The following PAH variants were observed in gnomAD, a reference collection of about 807,000 sequenced individuals.
PAH encodes phenylalanine-4-hydroxylase.
A neutral mutation model predicts 62.0 loss-of-function variants in PAH; 64 were observed. The observed-to-expected ratio is 1.03, with a 90% CI of 0.84 to 1.27. The LOEUF (loss-of-function observed/expected upper bound fraction) is 1.27. Ranked by LOEUF, PAH falls within the 50% of genes most tolerant of loss-of-function variation. PAH has a pLI of 0.00. For missense variants in PAH, 579 were observed against 542.8 expected, an observed-to-expected ratio of 1.07 and a Z score of -0.66; for synonymous variants, 195 against 196.2, an observed-to-expected ratio of 0.99 and a Z score of 0.05.
At chr12:102,952,683 C>T (rs1398683402), upstream of PAH, among the ~76,000 whole-genome samples, 4 of 152,148 alleles carry the variant, frequency 2.6e-5, no homozygotes, top group Non-Finnish European at 5.9e-5. Flanking sequence ...TGCAAATTAC[C>T]TCCTCACCCC....
chr12:102,904,679 C>T, intron 2 of PAH: 1 of 450,186 alleles, frequency 2.2e-6, no homozygotes, highest in Non-Finnish European at 4.4e-6. Context: ...CACTTATTTC[C>T]TTTAATTTCA....
At position 102,851,764 on chromosome 12, in the gene PAH, A is replaced by G. The variant is rs2136645006; in HGVS notation, c.843-8T>C. 6.2e-7 allele frequency: 1 copy of G among 1,612,944 alleles called. No individual in the cohort carries two copies. ...AGCTCATGGCAGATGTCACTGAAAG[A>G]CAGAAAGCACAGAGAGCTCGGAGGG... On this transcript the variant is annotated splice_polypyrimidine_tract_variant and splice_region_variant and intron_variant, in intron 7 of 12. Coordinates refer to ENST00000553106, the MANE Select transcript of PAH (RefSeq NM_000277.3).
In PAH at chr12:102,855,263, A is replaced by G. The variant is rs752202371; in HGVS notation, c.579T>C (p.Thr193=). 1 of 1,614,154 alleles carries G rather than the reference A, an allele frequency of 6.2e-7. No homozygotes were observed. Among genetic ancestry groups the G allele is most frequent in the Non-Finnish European group, 8.5e-7 (1 of 1,180,006 alleles). Residue 193 remains threonine (T), a synonymous_variant, in exon 6 of 13, where the codon ACT becomes ACC. Coordinates refer to ENST00000553106, the MANE Select transcript of PAH (RefSeq NM_000277.3). Reference sequence around the variant, plus strand: ...CATGGGTTTTATACAAGGACTTCAGAGTCTTGAACACTGTGCCCCATGTTT... The same window carrying G: ...CATGGGTTTTATACAAGGACTTCAGGGTCTTGAACACTGTGCCCCATGTTT... ...EKKTWGTVFK[T]LKSLYKTHAC...
At chr12:102,865,088 G>C (rs1875899260) in intron 5 of PAH, among the ~76,000 whole-genome samples, 1 of 152,152 alleles carries the variant, frequency 6.6e-6, no homozygotes, top group South Asian at 2.1e-4. Flanking sequence ...ATGATTTTCA[G>C]TAACCAAGTT....
chr12:102,905,676 C>T (rs1023540345), intron 2 of PAH, among the ~76,000 whole-genome samples: 4 of 151,998 alleles, frequency 2.6e-5, no homozygotes, highest in African/African-American at 9.7e-5. Context: ...TCGCTGACTC[C>T]CCACAGCACT....
rs1555206704 is a variant in PAH at position 102,879,604 on chromosome 12, G to GT, written c.353-2055dup. ...GAATGGTGTTCTAAATATTTTACCT[G>GT]TGGGGGGGGGGTACTATTAATGTTC... On this transcript the variant is annotated intron_variant, in intron 3 of 12. Coordinates refer to ENST00000553106, the MANE Select transcript of PAH (RefSeq NM_000277.3). Among the ~76,000 whole-genome samples the GT allele has an allele frequency of 5.7e-3, 666 of 115,948 alleles. 6 individuals carry two copies. Among genetic ancestry groups the GT allele is most frequent in the African/African-American group, 0.018 (576 of 32,820 alleles). The allele number at this position is 115,948 out of a possible 152,430, so 76.1% of individuals were successfully genotyped here. A position where few individuals can be genotyped will look rare whatever the true frequency, so the allele number is the denominator to read the frequency against.
At chr12:102,883,525 G>A (rs746921731) in intron 3 of PAH, among the ~76,000 whole-genome samples, 6 of 152,110 alleles carry the variant, frequency 3.9e-5, no homozygotes, top group Admixed American at 6.5e-5. Flanking sequence ...AAAACAAAAC[G>A]AAAACAAAAA....
At chr12:102,847,995 A>G (rs1419907817) in intron 8 of PAH, among the ~76,000 whole-genome samples, 3 of 152,244 alleles carry the variant, frequency 2.0e-5, no homozygotes, top group Non-Finnish European at 4.4e-5. Flanking sequence ...AGGGATCCAG[A>G]GCCAGATCAT....
At position 102,871,967 on chromosome 12, in the gene PAH, TATATATATATATATA is replaced by T. The variant is rs1202249671; in HGVS notation, c.442-5319_442-5305del. Reference sequence around the variant, plus strand: ...AAAAAAAAATATATATATATATATATATATATATATATATATATTTGCAAAACCTAGGGCAAAAAA... The same window carrying T: ...AAAAAAAAATATATATATATATATATTATTTGCAAAACCTAGGGCAAAAAA... On this transcript the variant is annotated intron_variant, in intron 4 of 12. Coordinates refer to ENST00000553106, the MANE Select transcript of PAH (RefSeq NM_000277.3). Among the ~76,000 whole-genome samples, 61 of 136,758 alleles carry T rather than the reference TATATATATATATATA, an allele frequency of 4.5e-4. 1 individual carries two copies. The highest frequency in any genetic ancestry group is 1.6e-3 in the African/African-American group (57 of 35,684). The allele number at this position is 136,758 out of a possible 152,430, so 89.7% of individuals were successfully genotyped here. A position where few individuals can be genotyped will look rare whatever the true frequency, so the allele number is the denominator to read the frequency against.
intron 3 of PAH, among the ~76,000 whole-genome samples, chr12:102,880,863 T>A (rs1261747692): frequency 6.6e-6 from 1 of 152,032 alleles, no homozygotes; most frequent in East Asian, 1.9e-4. Context: ...TTTTTTAAAT[T>A]CTTTTTAAAA....
upstream of PAH, chr12:102,953,188 C>T (rs1330082707): frequency 1.3e-5 from 2 of 152,160 alleles, no homozygotes; most frequent in South Asian, 4.1e-4. Flanking sequence ...ACTCAAGTCA[C>T]CCCCAAATTG....
chr12:102,914,015 C>T, intron 1 of PAH: 1 of 570,970 alleles, frequency 1.8e-6, no homozygotes, highest in South Asian at 2.3e-5. Flanking sequence ...TACATCATCT[C>T]AATGAGAGAA....
At chr12:102,874,197 G>C (rs1356774594) in intron 4 of PAH, among the ~76,000 whole-genome samples, 4 of 152,176 alleles carry the variant, frequency 2.6e-5, no homozygotes, top group Non-Finnish European at 5.9e-5. Context: ...GGAAATAACA[G>C]GTGGGTTGGC....
chr12:102,858,706 C>T (rs986572054), intron 5 of PAH, among the ~76,000 whole-genome samples: 1 of 152,180 alleles, frequency 6.6e-6, no homozygotes, highest in African/African-American at 2.4e-5. Flanking sequence ...AACTGAAGAA[C>T]CTGCTCCTGA....
At chr12:102,872,442 G>T (rs866764511) in intron 4 of PAH, among the ~76,000 whole-genome samples, 1 of 152,236 alleles carries the variant, frequency 6.6e-6, no homozygotes, top group African/African-American at 2.4e-5. Flanking sequence ...CACAAATTAT[G>T]CTTGGATAGA....
At chr12:102,875,275 A>G (rs1466796803) in intron 4 of PAH, among the ~76,000 whole-genome samples, 1 of 152,204 alleles carries the variant, frequency 6.6e-6, no homozygotes, top group Non-Finnish European at 1.5e-5. Context: ...TTTTAAAGCC[A>G]GTGCCAGCTG....
chr12:102,930,778 C>T (rs767629197), intron 1 of PAH, among the ~76,000 whole-genome samples: 19 of 152,196 alleles, frequency 1.2e-4, no homozygotes, highest in Non-Finnish European at 1.8e-4. Flanking sequence ...AAAGCAAAAA[C>T]ACACATCCTT....
At chr12:102,847,141 C>A (rs1874888621) in intron 8 of PAH, 190 bp from the exon 9 acceptor site, 1 of 621,518 alleles carries the variant, frequency 1.6e-6, no homozygotes, top group Non-Finnish European at 2.9e-6. Context: ...GTAGGGGGAT[C>A]CTTCCACCCT....
chr12:102,886,221 T>G (rs1877036715), intron 3 of PAH: 1 of 152,194 alleles, frequency 6.6e-6, no homozygotes, highest in Non-Finnish European at 1.5e-5. Flanking sequence ...GTGGTGATTT[T>G]AGGACAAAGC....
Sources: gnomAD v4.1 joint callset for allele counts (sites outside exome capture counted in the v4.1 genomes callset) on GRCh38, gnomAD v4.1.1 for gene constraint, MANE v1.5 for transcripts, NCBI Gene and HGNC (gene_info 2026-07-23, HGNC 2026-07-21) for gene names.